Variants in KLHL7 observed in about 807,000 individuals in gnomAD.
KLHL7 encodes the protein kelch-like protein 7.
Under a neutral mutation model 67.4 loss-of-function variants are expected in KLHL7, and 44 were observed. That is an observed-to-expected ratio of 0.65 (90% confidence interval 0.51 to 0.84). The LOEUF (loss-of-function observed/expected upper bound fraction) is 0.84, where lower values mean the gene tolerates loss of function less well. Ranked by LOEUF, KLHL7 falls within the 40% of genes least tolerant of loss-of-function variation. The pLI, the probability that KLHL7 is intolerant of heterozygous loss-of-function variation, is 0.00. For synonymous variants in KLHL7, 252 were observed against 243.3 expected, an observed-to-expected ratio of 1.04 and a Z score of -0.33; for missense variants, 362 against 718.1, an observed-to-expected ratio of 0.50 and a Z score of 5.67.
At chr7:23,121,713 C>T (rs1444961320) in intron 1 of KLHL7, among the ~76,000 whole-genome samples, 1 of 143,830 alleles carries the variant, frequency 7.0e-6, no homozygotes, top group Non-Finnish European at 1.5e-5. Flanking sequence ...GATAGAGTCT[C>T]GCTCTGTTGC....
At chr7:23,132,238 C>T (rs1349265067) in intron 4 of KLHL7, among the ~76,000 whole-genome samples, 1 of 152,192 alleles carries the variant, frequency 6.6e-6, no homozygotes, top group Admixed American at 6.5e-5. Flanking sequence ...AAGCTATTCT[C>T]CATAGTGGTT....
intron 4 of KLHL7, among the ~76,000 whole-genome samples, chr7:23,140,409 T>C (rs1784135390): frequency 6.6e-6 from 1 of 151,944 alleles, no homozygotes; most frequent in Non-Finnish European, 1.5e-5. Flanking sequence ...CAAAAAAAAT[T>C]AGCCAGGCGT....
rs1294606560 is a variant in KLHL7, at chr7:23,106,603, C to CCT, written c.120+459_120+460dup. 2.9e-6 allele frequency: 3 copies of CCT among 1,038,012 alleles called. No homozygotes were observed. The African/African-American group carries it at 5.1e-5, about 18-fold the overall frequency. The allele number at this position is 1,038,012 out of a possible 1,614,324, so 64.3% of individuals were successfully genotyped here. The stretch of plus-strand genomic sequence containing the variant: ...TGCTCTTAAATAAGGATCCCCGCCC[C>CCT]CTCCTGTGTTCCCCGGTGGAGCTAG... On this transcript the variant is annotated intron_variant, in intron 1 of 10. Transcript: ENST00000339077.
intron 4 of KLHL7, 129 bp from the exon 5 acceptor site, chr7:23,140,640 G>A (rs1765866841): frequency 1.3e-6 from 1 of 778,058 alleles, no homozygotes; most frequent in Admixed American, 2.0e-5. Context: ...ACAAATCAAT[G>A]AAACAGAAAC....
intron 7 of KLHL7, among the ~76,000 whole-genome samples, chr7:23,160,625 A>G (rs1179836915): frequency 1.3e-5 from 2 of 152,240 alleles, no homozygotes. Context: ...GCAGCCTGCA[A>G]TAGCACAACC....
intron 1 of KLHL7, among the ~76,000 whole-genome samples, chr7:23,119,442 C>T (rs1487425705): frequency 6.6e-6 from 1 of 152,160 alleles, no homozygotes; most frequent in Non-Finnish European, 1.5e-5. Flanking sequence ...TCAAGTGATC[C>T]ACCCATCTCA....
At chr7:23,136,467 G>A (rs1318239381) in intron 4 of KLHL7, among the ~76,000 whole-genome samples, 2 of 152,178 alleles carry the variant, frequency 1.3e-5, no homozygotes, top group Non-Finnish European at 2.9e-5. Context: ...GAAATCTCAA[G>A]TCAGATTTTA....
intron 5 of KLHL7, 40 bp downstream of exon 5, chr7:23,140,984 G>T: frequency 6.5e-7 from 1 of 1,527,566 alleles, no homozygotes. Context: ...TAATAAAAAT[G>T]TCTTTATTGG....
At chr7:23,149,694 A>G (rs1784471343) in intron 6 of KLHL7, among the ~76,000 whole-genome samples, 1 of 152,224 alleles carries the variant, frequency 6.6e-6, no homozygotes, top group Admixed American at 6.5e-5. Flanking sequence ...ACAATTGTAA[A>G]GGATTATAAA....
intron 1 of KLHL7, chr7:23,117,901 A>G (rs1334170752): frequency 4.3e-6 from 7 of 1,614,078 alleles, no homozygotes; most frequent in Non-Finnish European, 3.4e-6. Context: ...CTCAATGCCA[A>G]TTTGATATCA....
intron 1 of KLHL7, among the ~76,000 whole-genome samples, chr7:23,113,724 G>A (rs554377176): frequency 1.3e-5 from 2 of 152,140 alleles, no homozygotes; most frequent in South Asian, 2.1e-4. Context: ...TACTCAGGGG[G>A]CTGAGGCATG....
At chr7:23,161,513 C>G (rs1784853467) in intron 7 of KLHL7, among the ~76,000 whole-genome samples, 1 of 152,086 alleles carries the variant, frequency 6.6e-6, no homozygotes, top group Admixed American at 6.6e-5. Context: ...GGATAAATTC[C>G]TAGGAGAAAA....
At chr7:23,165,151 A>T (rs550848303) in intron 7 of KLHL7, among the ~76,000 whole-genome samples, 1 of 152,228 alleles carries the variant, frequency 6.6e-6, no homozygotes, top group Non-Finnish European at 1.5e-5. Flanking sequence ...CCTTATAAAC[A>T]TCAACAGTTT....
rs189220350 is a variant in KLHL7, at chr7:23,107,708, A to G, written c.120+1562A>G. Among the ~76,000 whole-genome samples the G allele has an allele frequency of 3.1e-3, 475 of 152,314 alleles. 2 individuals are homozygous for G. Among genetic ancestry groups the G allele is most frequent in the African/African-American group, 0.011 (464 of 41,566 alleles). ...AGGGTTCTGTTACTGAGTAGGAAGG[A>G]AAAAATGGTTACCTGGTGAACAACC... On this transcript the variant is annotated intron_variant, in intron 1 of 10. Transcript: ENST00000339077.
chr7:23,131,234 A>G (rs1042417755), intron 4 of KLHL7, among the ~76,000 whole-genome samples: 2 of 152,218 alleles, frequency 1.3e-5, no homozygotes, highest in Non-Finnish European at 2.9e-5. Flanking sequence ...CTTTTACTTG[A>G]TGCTAAATCA....
At chr7:23,106,720 G>C (rs1011828162) in intron 1 of KLHL7, 3 of 994,102 alleles carry the variant, frequency 3.0e-6, no homozygotes, top group Non-Finnish European at 3.6e-6. Flanking sequence ...GTGCGCCTCT[G>C]TTATTAAGAG....
chr7:23,162,577 G>GC (rs1345433448), intron 7 of KLHL7, among the ~76,000 whole-genome samples: 1 of 152,180 alleles, frequency 6.6e-6, no homozygotes, highest in Non-Finnish European at 1.5e-5. Context: ...TCCATACAGA[G>GC]CCTGGCTTCA....
At chr7:23,109,875 T>C (rs1583630805) in intron 1 of KLHL7, among the ~76,000 whole-genome samples, 1 of 152,260 alleles carries the variant, frequency 6.6e-6, no homozygotes, top group African/African-American at 2.4e-5. Flanking sequence ...TCCTGTACTT[T>C]ACTGTTTTCT....
intron 4 of KLHL7, chr7:23,125,719 C>G (rs549040998): frequency 2.1e-5 from 31 of 1,451,716 alleles, no homozygotes; most frequent in Middle Eastern, 1.8e-4. Context: ...CTGCTATAGC[C>G]ATTTTGAAGC....
Sources: allele counts gnomAD v4.1 joint callset (sites outside exome capture counted in the v4.1 genomes callset), GRCh38; gene constraint gnomAD v4.1.1; transcripts MANE v1.5; gene names NCBI Gene and HGNC (gene_info 2026-07-23, HGNC 2026-07-21).